The following DLG1 variants were observed in gnomAD, a reference collection of about 807,000 sequenced individuals.
DLG1 encodes the protein disks large homolog 1.
A neutral mutation model predicts 123.4 loss-of-function variants in DLG1; 42 were observed. That is an observed-to-expected ratio of 0.34 (90% CI 0.27 to 0.44). The LOEUF is 0.44. DLG1 is among the 20% of genes least tolerant of loss of function. DLG1 has a pLI of 1.00. For missense variants in DLG1, 942 were observed against 1,082.6 expected (o/e 0.87, Z 1.82); for synonymous variants, 317 against 356.2 (o/e 0.89, Z 1.24).
intron 4 of DLG1, among the ~76,000 whole-genome samples, chr3:197,250,734 C>A (rs570482805): frequency 6.6e-6 from 1 of 151,968 alleles, no homozygotes; most frequent in African/African-American, 2.4e-5. Context: ...TGAACTCACA[C>A]GTGTCATTCC....
At chr3:197,255,329 C>T (rs1005763609) in intron 4 of DLG1, among the ~76,000 whole-genome samples, 1 of 152,092 alleles carries the variant, frequency 6.6e-6, no homozygotes, top group Non-Finnish European at 1.5e-5. Flanking sequence ...TTAGTCAAAA[C>T]GTAGGTTGCC....
intron 5 of DLG1, among the ~76,000 whole-genome samples, chr3:197,176,697 GCA>G (rs1353781422): frequency 6.6e-6 from 1 of 152,040 alleles, no homozygotes; most frequent in East Asian, 1.9e-4. Flanking sequence ...CTTTATCCAT[GCA>G]CACACTGAGG....
chr3:197,253,912 T>A (rs1048479391), intron 4 of DLG1, among the ~76,000 whole-genome samples: 1 of 151,554 alleles, frequency 6.6e-6, no homozygotes, highest in African/African-American at 2.4e-5. Flanking sequence ...AACCCAAAAT[T>A]AAAGGTTTAA....
At position 197,201,766 on chromosome 3, in the gene DLG1, T is replaced by C. The variant is rs573776184; in HGVS notation, c.319-7177A>G. Among the ~76,000 whole-genome samples, 9 of 152,058 alleles carry C rather than the reference T, an allele frequency of 5.9e-5. No homozygotes were observed. The South Asian group carries it at 1.7e-3, about 28-fold the overall frequency. ...TGCCCAAAGCAATCTGGAAGTTCAATGTAATACTACAATAAAATACTAATA... is the reference window on the plus strand; with the variant it reads ...TGCCCAAAGCAATCTGGAAGTTCAACGTAATACTACAATAAAATACTAATA... On this transcript the variant is annotated intron_variant, in intron 4 of 24. Coordinates refer to ENST00000667157, the MANE Select transcript of DLG1 (RefSeq NM_001366207.1).
At chr3:197,111,129 A>G (rs1769765440) in intron 13 of DLG1, among the ~76,000 whole-genome samples, 1 of 152,204 alleles carries the variant, frequency 6.6e-6, no homozygotes, top group Admixed American at 6.5e-5. Context: ...TAAAATTTTA[A>G]GGTTACTGAT....
intron 5 of DLG1, among the ~76,000 whole-genome samples, chr3:197,193,034 C>T (rs1293712499): frequency 1.3e-5 from 2 of 151,922 alleles, no homozygotes; most frequent in East Asian, 1.9e-4. Context: ...AAATCTGAAT[C>T]GTACTATAAC....
intron 15 of DLG1, among the ~76,000 whole-genome samples, chr3:197,090,156 AG>A: frequency 6.6e-6 from 1 of 152,302 alleles, no homozygotes; most frequent in South Asian, 2.1e-4. Context: ...AGGACGACTG[AG>A]ATGATAATTT....
intron 4 of DLG1, among the ~76,000 whole-genome samples, chr3:197,255,763 G>T (rs937667407): frequency 8.8e-6 from 1 of 113,720 alleles, no homozygotes; most frequent in African/African-American, 3.2e-5. Flanking sequence ...CTAATCTATA[G>T]TGATATGAGT....
intron 14 of DLG1, among the ~76,000 whole-genome samples, chr3:197,097,580 CTT>C (rs3051908): frequency 8.1e-5 from 10 of 122,842 alleles, no homozygotes; most frequent in Admixed American, 8.9e-5. Context: ...TTTGTACTTT[CTT>C]TTTTTTTTTT....
chr3:197,089,252 G>A (rs1310311122), intron 15 of DLG1, among the ~76,000 whole-genome samples: 3 of 152,130 alleles, frequency 2.0e-5, no homozygotes, highest in Non-Finnish European at 4.4e-5. Flanking sequence ...TAGAAGCTGG[G>A]CACAGTGGCT....
At chr3:197,154,307 A>C (rs1795332969) in intron 5 of DLG1, among the ~76,000 whole-genome samples, 1 of 152,036 alleles carries the variant, frequency 6.6e-6, no homozygotes, top group South Asian at 2.1e-4. Flanking sequence ...GTCAAAAAAA[A>C]CAAAACAAAA....
At chr3:197,083,316 A>G (rs1239326313) in intron 16 of DLG1, among the ~76,000 whole-genome samples, 2 of 152,230 alleles carry the variant, frequency 1.3e-5, no homozygotes, top group Non-Finnish European at 2.9e-5. Flanking sequence ...AATAAGAAAA[A>G]GATGTTTATT....
intron 22 of DLG1, among the ~76,000 whole-genome samples, chr3:197,065,015 A>G (rs1293811918): frequency 6.6e-6 from 1 of 151,666 alleles, no homozygotes; most frequent in Non-Finnish European, 1.5e-5. Flanking sequence ...GCCTAAACAA[A>G]AGGTCTATCT....
intron 4 of DLG1, among the ~76,000 whole-genome samples, chr3:197,277,103 G>T (rs1046641171): frequency 6.6e-6 from 1 of 151,840 alleles, no homozygotes; most frequent in African/African-American, 2.4e-5. Context: ...TGTTTCCCAG[G>T]CTGGTTTCGA....
At chr3:197,159,862 C>T (rs1486126081) in intron 5 of DLG1, among the ~76,000 whole-genome samples, 2 of 152,020 alleles carry the variant, frequency 1.3e-5, no homozygotes, top group Admixed American at 6.6e-5. Context: ...AATAAATATC[C>T]TCATTTAAAA....
At chr3:197,112,028 T>C (rs1016828142) in intron 13 of DLG1, among the ~76,000 whole-genome samples, 7 of 152,222 alleles carry the variant, frequency 4.6e-5, no homozygotes, top group Admixed American at 4.6e-4. Flanking sequence ...GTGATAAGAT[T>C]AGATGTATGT....
chr3:197,092,332 T>C (rs774275439), intron 14 of DLG1, among the ~76,000 whole-genome samples: 1 of 152,196 alleles, frequency 6.6e-6, no homozygotes, highest in South Asian at 2.1e-4. Context: ...ATAGTGGAGA[T>C]AGCAGAATAA....
chr3:197,119,388 G>A lies in DLG1; in HGVS notation c.1286+22C>T, dbSNP rs185518268. ...TTTAATAGTTGATTTTATGTAAGAAGGATAAATGTTAACTTCCTTACCTTG... is the reference window on the plus strand; with the variant it reads ...TTTAATAGTTGATTTTATGTAAGAAAGATAAATGTTAACTTCCTTACCTTG... On this transcript the variant is annotated intron_variant, in intron 12 of 24. Coordinates refer to ENST00000667157, the MANE Select transcript of DLG1 (RefSeq NM_001366207.1). 3 of 1,565,820 alleles carry A rather than the reference G, an allele frequency of 1.9e-6. No homozygotes were observed. The African/African-American group carries it at 4.1e-5, about 21-fold the overall frequency.
At position 197,142,854 on chromosome 3, in the gene DLG1, G is replaced by T; in HGVS notation, c.538-86C>A. Reference sequence around the variant, plus strand: ...CAAAATTTTTGTATGATTTATTAATGAAAACCTGTTGAATGCGACAGTAAT... The same window carrying T: ...CAAAATTTTTGTATGATTTATTAATTAAAACCTGTTGAATGCGACAGTAAT... On this transcript the variant is annotated intron_variant, in intron 6 of 24. Transcript: ENST00000667157. 6.0e-6 allele frequency: 6 copies of T among 1,002,514 alleles called. No individual in the cohort carries two copies. In the South Asian group the frequency reaches 9.1e-5, roughly 15 times the overall value. The allele number at this position is 1,002,514 out of a possible 1,614,324, so 62.1% of individuals were successfully genotyped here.
Sources: allele counts gnomAD v4.1 joint callset (sites outside exome capture counted in the v4.1 genomes callset), GRCh38; gene constraint gnomAD v4.1.1; transcripts MANE v1.5; gene names NCBI Gene and HGNC (gene_info 2026-07-23, HGNC 2026-07-21).